Variants in FAM241A observed in about 807,000 individuals in gnomAD.
The protein encoded by FAM241A is uncharacterized protein FAM241A.
FAM241A carries 7 observed loss-of-function variants against 12.2 expected under a neutral mutation model. That is an observed-to-expected ratio of 0.58 (90% CI 0.33 to 1.08). The LOEUF is 1.08. Among genes scored for constraint, FAM241A ranks in the 50% least tolerant of loss-of-function variants. The pLI, the probability that FAM241A is intolerant of heterozygous loss-of-function variation, is 0.04. For synonymous variants in FAM241A, 74 were observed against 68.2 expected, an observed-to-expected ratio of 1.08 and a Z score of -0.42; for missense variants, 161 against 169.7, an observed-to-expected ratio of 0.95 and a Z score of 0.29.
At chr4:112,166,224 T>A (rs1486353551) in intron 1 of FAM241A, among the ~76,000 whole-genome samples, 1 of 151,340 alleles carries the variant, frequency 6.6e-6, no homozygotes, top group African/African-American at 2.4e-5. Flanking sequence ...AATTTTTTTG[T>A]ATTTTTTTTT....
chr4:112,166,270 A>G (rs918135763), intron 1 of FAM241A, among the ~76,000 whole-genome samples: 6 of 151,338 alleles, frequency 4.0e-5, no homozygotes, highest in Non-Finnish European at 8.8e-5. Flanking sequence ...GTTAGCAAGT[A>G]TGGTCTGTAT....
chr4:112,145,546 G>C lies in FAM241A; in HGVS notation c.-35G>C, dbSNP rs529902655. 31 of 1,237,524 alleles carry C rather than the reference G, an allele frequency of 2.5e-5. No homozygotes were observed. The South Asian group carries it at 1.0e-3, about 41-fold the overall frequency. 76.7% of individuals were successfully genotyped at this position (1,237,524 alleles called of 1,614,324 possible). On this transcript the variant is annotated 5_prime_UTR_variant, in exon 1 of 2. Transcript: ENST00000309733. Reference sequence around the variant, plus strand: ...CTGGTGCGTCGCGGCGTGGTCCTCCGGCGGCTGTCCGGGGCGGTAGGAGTT... The same window carrying C: ...CTGGTGCGTCGCGGCGTGGTCCTCCCGCGGCTGTCCGGGGCGGTAGGAGTT...
intron 1 of FAM241A, among the ~76,000 whole-genome samples, chr4:112,167,971 A>G (rs1234148383): frequency 6.6e-6 from 1 of 152,232 alleles, no homozygotes; most frequent in East Asian, 1.9e-4. Context: ...AGTCTGACAA[A>G]TCAGTCAGGT....
chr4:112,178,133 G>T (rs186326863), intron 1 of FAM241A, among the ~76,000 whole-genome samples: 26 of 152,206 alleles, frequency 1.7e-4, no homozygotes, highest in African/African-American at 5.8e-4. Context: ...GATATATAAA[G>T]AAATAATTTT....
chr4:112,186,595 T>A (rs1217156747), intron 1 of FAM241A, 98 bp from the exon 2 acceptor site: 1 of 1,096,140 alleles, frequency 9.1e-7, no homozygotes, highest in Non-Finnish European at 1.3e-6. Flanking sequence ...ATCAGAAGTA[T>A]GCCCAGCACT....
chr4:112,179,694 A>G (rs1364794830), intron 1 of FAM241A, among the ~76,000 whole-genome samples: 1 of 149,300 alleles, frequency 6.7e-6, no homozygotes, highest in African/African-American at 2.5e-5. Context: ...GTACCCTAGA[A>G]CTTAAAGTAT....
intron 1 of FAM241A, among the ~76,000 whole-genome samples, chr4:112,159,432 T>C (rs1723417238): frequency 6.6e-6 from 1 of 152,184 alleles, no homozygotes; most frequent in Non-Finnish European, 1.5e-5. Context: ...TTTCCTCTTT[T>C]AAAGGGTGCA....
chr4:112,184,965 G>C (rs10212873), intron 1 of FAM241A, among the ~76,000 whole-genome samples: 80,803 of 151,996 alleles, frequency 0.53, 22,355 homozygotes, highest in African/African-American at 0.69. Flanking sequence ...TTCATTGGCT[G>C]TTTGTGGCAG....
At chr4:112,175,309 A>G (rs1222089318) in intron 1 of FAM241A, among the ~76,000 whole-genome samples, 1 of 152,156 alleles carries the variant, frequency 6.6e-6, no homozygotes, top group Non-Finnish European at 1.5e-5. Context: ...TAGTAATATG[A>G]TGGCCTACAA....
Position 112,187,222 on chromosome 4 carries a change from A to G in FAM241A, c.*284A>G. 3.5e-6 allele frequency: 1 copy of G among 284,206 alleles called. No individual in the cohort carries two copies. Among genetic ancestry groups the G allele is most frequent in the Middle Eastern group, 1.1e-3 (1 of 938 alleles). 17.6% of individuals were successfully genotyped at this position (284,206 alleles called of 1,614,324 possible). The stretch of plus-strand genomic sequence containing the variant: ...TCTATCCCCATGCCAAATCTTAAGT[A>G]ACACCACCAGAAAGTGAACAGGGAA... On this transcript the variant is annotated 3_prime_UTR_variant, in exon 2 of 2. Transcript: ENST00000309733.
At position 112,166,977 on chromosome 4, in the gene FAM241A, A is replaced by C. The variant is rs112932465; in HGVS notation, c.154-19716A>C. ...AAAATACAAAAAATTAGCCGGGCGT[A>C]GTGGCGGGCGCCTGTAGTCCCAGCT... On this transcript the variant is annotated intron_variant, in intron 1 of 1. Coordinates refer to ENST00000309733, the MANE Select transcript of FAM241A (RefSeq NM_152400.3). Among the ~76,000 whole-genome samples the C allele has an allele frequency of 1.6e-4, 15 of 96,188 alleles. 5 individuals carry two copies. The highest frequency in any genetic ancestry group is 0.01 in the Middle Eastern group (2 of 192). The allele number at this position is 96,188 out of a possible 152,430, so 63.1% of individuals were successfully genotyped here. A position where few individuals can be genotyped will look rare whatever the true frequency, so the allele number is the denominator to read the frequency against.
intron 1 of FAM241A, among the ~76,000 whole-genome samples, chr4:112,154,596 A>G (rs1209335214): frequency 1.3e-5 from 2 of 152,160 alleles, no homozygotes; most frequent in Admixed American, 6.5e-5. Flanking sequence ...AAGTTTACCC[A>G]TCTTGTAGTA....
chr4:112,190,050 A>G lies in FAM241A; in HGVS notation c.*3112A>G, dbSNP rs1371648076. 7.7e-6 allele frequency: 1 copy of G among 129,824 alleles called. No homozygotes were observed. Among genetic ancestry groups the G allele is most frequent in the African/African-American group, 3.1e-5 (1 of 31,852 alleles). The allele number at this position is 129,824 out of a possible 1,614,324, so 8.0% of individuals were successfully genotyped here. A position where few individuals can be genotyped will look rare whatever the true frequency, so the allele number is the denominator to read the frequency against. On this transcript the variant is annotated 3_prime_UTR_variant, in exon 2 of 2. Transcript: ENST00000309733. ...CTTTCCCTTGTGGGTATTATGGTTCATGGTTATCTTCTGACCAACAAATCT... is the reference window on the plus strand; with the variant it reads ...CTTTCCCTTGTGGGTATTATGGTTCGTGGTTATCTTCTGACCAACAAATCT...
chr4:112,186,212 A>T (rs1490789769), intron 1 of FAM241A, among the ~76,000 whole-genome samples: 1 of 152,204 alleles, frequency 6.6e-6, no homozygotes, highest in Admixed American at 6.5e-5. Flanking sequence ...AGAGGCATTT[A>T]GGGCATCTAT....
rs201899963 is a variant in FAM241A, at chr4:112,186,987, T to G, written c.*49T>G. Reference sequence around the variant, plus strand: ...GACATTTGGTAGCCATATATGTAATTGAAGAAGTTATATATTTCACTTTTT... The same window carrying G: ...GACATTTGGTAGCCATATATGTAATGGAAGAAGTTATATATTTCACTTTTT... On this transcript the variant is annotated 3_prime_UTR_variant, in exon 2 of 2. Coordinates refer to ENST00000309733, the MANE Select transcript of FAM241A (RefSeq NM_152400.3). 1 of 1,568,592 alleles carries G rather than the reference T, an allele frequency of 6.4e-7. No homozygotes were observed. Among genetic ancestry groups the G allele is most frequent in the African/African-American group, 1.4e-5 (1 of 73,162 alleles).
In FAM241A at chr4:112,187,506, G is replaced by C. The variant is rs1724070415; in HGVS notation, c.*568G>C. The C allele has an allele frequency of 1.3e-5, 2 of 152,512 alleles. No individual in the cohort carries two copies. Among genetic ancestry groups the C allele is most frequent in the South Asian group, 2.1e-4 (1 of 4,828 alleles). The allele number at this position is 152,512 out of a possible 1,614,324, so 9.4% of individuals were successfully genotyped here. ...ATTGTGATGAAAATCAGTAAAGATA[G>C]AACGTTTTCTAAAGGTCAAAAATAA... is the stretch of plus-strand genomic sequence containing the variant. On this transcript the variant is annotated 3_prime_UTR_variant, in exon 2 of 2. Coordinates refer to ENST00000309733, the MANE Select transcript of FAM241A (RefSeq NM_152400.3).
chr4:112,174,626 T>C (rs1723784815), intron 1 of FAM241A, among the ~76,000 whole-genome samples: 1 of 152,064 alleles, frequency 6.6e-6, no homozygotes, highest in African/African-American at 2.4e-5. Context: ...GCCAGAAGTT[T>C]TAAAGAGAGA....
At chr4:112,171,663 T>C (rs1723723016) in intron 1 of FAM241A, 1 of 468,382 alleles carries the variant, frequency 2.1e-6, no homozygotes, top group Admixed American at 3.4e-5. Context: ...ATCGAGACTA[T>C]CCTGGCTAAC....
intron 1 of FAM241A, among the ~76,000 whole-genome samples, chr4:112,182,055 C>T (rs1158344968): frequency 2.0e-5 from 3 of 152,036 alleles, no homozygotes; most frequent in African/African-American, 7.2e-5. Context: ...ATAGTATATA[C>T]ACTTTAAAGA....
Sources: allele counts gnomAD v4.1 joint callset (sites outside exome capture counted in the v4.1 genomes callset), GRCh38; gene constraint gnomAD v4.1.1; transcripts MANE v1.5; gene names NCBI Gene and HGNC (gene_info 2026-07-23, HGNC 2026-07-21).